Variants in LINGO2 observed in about 807,000 individuals in gnomAD.
The protein encoded by LINGO2 is leucine-rich repeat and immunoglobulin-like domain-containing nogo receptor-interacting protein 2.
LINGO2 carries 14 observed loss-of-function variants against 30.6 expected under a neutral mutation model. That is an observed-to-expected ratio of 0.46 (90% CI 0.30 to 0.72). LINGO2 has a LOEUF of 0.72. Among genes scored for constraint, LINGO2 ranks in the 30% least tolerant of loss-of-function variants. The pLI is 0.07. For missense variants in LINGO2, 729 were observed against 751.7 expected, an observed-to-expected ratio of 0.97 and a Z score of 0.35; for synonymous variants, 317 against 288.5, an observed-to-expected ratio of 1.10 and a Z score of -1.00.
At chr9:28,220,219 A>G (rs1433344667) in intron 4 of LINGO2, among the ~76,000 whole-genome samples, 3 of 152,188 alleles carry the variant, frequency 2.0e-5, no homozygotes, top group Non-Finnish European at 2.9e-5. Flanking sequence ...CCTGGAACCA[A>G]TTCCCTGTGG....
intron 4 of LINGO2, among the ~76,000 whole-genome samples, chr9:28,172,283 T>C (rs1311060635): frequency 1.4e-5 from 2 of 147,220 alleles, no homozygotes; most frequent in African/African-American, 2.5e-5. Flanking sequence ...CCCAGCTACT[T>C]GGGAGGCTGA....
intron 1 of LINGO2, among the ~76,000 whole-genome samples, chr9:28,576,354 C>T (rs1212513323): frequency 6.6e-6 from 1 of 152,100 alleles, no homozygotes. Context: ...CACTTTTGCA[C>T]CATGGTAAAC....
chr9:28,322,896 G>T (rs987481079), intron 3 of LINGO2, among the ~76,000 whole-genome samples: 3 of 152,154 alleles, frequency 2.0e-5, no homozygotes, highest in Non-Finnish European at 4.4e-5. Flanking sequence ...AGCTGAATAT[G>T]TTAAGAAAAT....
intron 5 of LINGO2, among the ~76,000 whole-genome samples, chr9:28,001,333 C>T (rs530344733): frequency 6.7e-4 from 102 of 152,318 alleles, no homozygotes; most frequent in African/African-American, 2.4e-3. Flanking sequence ...TCCTGAATAG[C>T]AACTGATGTA....
the LINGO2 span, among the ~76,000 whole-genome samples, chr9:28,685,758 T>C: frequency 6.6e-6 from 1 of 152,154 alleles, no homozygotes; most frequent in African/African-American, 2.4e-5. Context: ...TCTACAGATA[T>C]GGAAAAAATT....
chr9:28,632,176 T>C (rs1026567619), intron 1 of LINGO2, among the ~76,000 whole-genome samples: 1 of 152,136 alleles, frequency 6.6e-6, no homozygotes, highest in African/African-American at 2.4e-5. Flanking sequence ...CAATGCATAG[T>C]TGATATTTAA....
the LINGO2 span, among the ~76,000 whole-genome samples, chr9:28,778,715 C>CAAAA: frequency 6.6e-6 from 1 of 152,094 alleles, no homozygotes; most frequent in Admixed American, 6.5e-5. Context: ...ACTTGCTCTG[C>CAAAA]AAAAACAAAA....
the LINGO2 span, among the ~76,000 whole-genome samples, chr9:29,146,899 T>C: frequency 1.3e-5 from 2 of 152,152 alleles, no homozygotes; most frequent in Non-Finnish European, 2.9e-5. Flanking sequence ...TTTTAAAATA[T>C]TTCTCAATAT....
chr9:29,120,693 C>A, the LINGO2 span, among the ~76,000 whole-genome samples: 41 of 152,146 alleles, frequency 2.7e-4, no homozygotes, highest in Non-Finnish European at 4.7e-4. Flanking sequence ...TAGTTCAAAT[C>A]TGCACTTCTA....
At chr9:28,991,466 C>T in the LINGO2 span, among the ~76,000 whole-genome samples, 1 of 146,894 alleles carries the variant, frequency 6.8e-6, no homozygotes, top group African/African-American at 2.5e-5. Context: ...GGAGAACTTC[C>T]CCAATCTAGC....
Position 27,949,735 on chromosome 9 carries a change from C to A in LINGO2, c.937G>T (p.Glu313Ter). The change falls in exon 6 of 6, where the codon GAG becomes TAG. Residue 313 changes from glutamate to a stop codon, truncating the protein, a stop_gained. Coordinates refer to ENST00000379992, the Ensembl canonical transcript of LINGO2. LOFTEE classifies it high-confidence loss of function. ...CGGAGCCCTTGGAAGGAGTGAGGCT[C>A]AATGGTGCGAAGCTGGGCCCCCACT... The A allele has an allele frequency of 6.2e-7, 1 of 1,614,124 alleles. No homozygotes were observed. The highest frequency in any genetic ancestry group is 8.5e-7 in the Non-Finnish European group (1 of 1,179,992).
the LINGO2 span, among the ~76,000 whole-genome samples, chr9:28,848,391 G>GTATATATATA: frequency 9.6e-4 from 53 of 55,070 alleles, no homozygotes; most frequent in Non-Finnish European, 1.8e-3. Context: ...GTGTGTGTGT[G>GTATATATATA]TGTGTGTATA....
chr9:28,054,491 G>A (rs1002350646), intron 4 of LINGO2, among the ~76,000 whole-genome samples: 2 of 152,132 alleles, frequency 1.3e-5, no homozygotes, highest in Non-Finnish European at 2.9e-5. Context: ...AGCTAACGTA[G>A]TATATATTAG....
the LINGO2 span, among the ~76,000 whole-genome samples, chr9:29,073,614 C>T: frequency 2.0e-5 from 3 of 152,128 alleles, no homozygotes; most frequent in African/African-American, 7.2e-5. Flanking sequence ...TTATCTATGA[C>T]TGCTTTTAAA....
the LINGO2 span, among the ~76,000 whole-genome samples, chr9:28,736,460 T>C: frequency 5.5e-4 from 83 of 152,262 alleles, no homozygotes; most frequent in African/African-American, 1.4e-3. Flanking sequence ...TCTTCATTTA[T>C]AAACTGTTCA....
chr9:29,038,996 G>A, the LINGO2 span, among the ~76,000 whole-genome samples: 7 of 152,250 alleles, frequency 4.6e-5, no homozygotes, highest in East Asian at 1.2e-3. Flanking sequence ...ACCAATCAGT[G>A]ACTACTCAAA....
At chr9:28,878,114 G>A in the LINGO2 span, among the ~76,000 whole-genome samples, 2 of 151,848 alleles carry the variant, frequency 1.3e-5, no homozygotes, top group Non-Finnish European at 2.9e-5. Context: ...GAAAAAATGA[G>A]AGAAGAATCA....
At chr9:28,999,321 C>T in the LINGO2 span, among the ~76,000 whole-genome samples, 2 of 151,960 alleles carry the variant, frequency 1.3e-5, no homozygotes, top group East Asian at 3.9e-4. Flanking sequence ...TTCATTTCTC[C>T]AGGGGTGATT....
chr9:29,087,280 T>C, the LINGO2 span, among the ~76,000 whole-genome samples: 7 of 152,338 alleles, frequency 4.6e-5, no homozygotes, highest in East Asian at 1.2e-3. Context: ...ACCTGTGGTA[T>C]GGCAGTGATG....
Sources: allele counts gnomAD v4.1 joint callset (sites outside exome capture counted in the v4.1 genomes callset), GRCh38; gene constraint gnomAD v4.1.1; transcripts MANE v1.5; gene names NCBI Gene and HGNC (gene_info 2026-07-23, HGNC 2026-07-21).